Variants in PDE10A observed in about 807,000 individuals in gnomAD.
The protein encoded by PDE10A is cAMP and cAMP-inhibited cGMP 3',5'-cyclic phosphodiesterase 10A.
Under a neutral mutation model 97.7 loss-of-function variants are expected in PDE10A, and 39 were observed. The ratio of observed to expected loss-of-function variants is 0.40; its 90% confidence interval spans 0.31 to 0.52. The LOEUF (loss-of-function observed/expected upper bound fraction) is 0.52. PDE10A is among the 20% of genes least tolerant of loss of function. The probability of loss-of-function intolerance (pLI) is 0.56; values close to 1 mark genes in which losing one functional copy is unlikely to be tolerated. For synonymous variants in PDE10A, 371 were observed against 376.8 expected (o/e 0.98, Z 0.18); for missense variants, 731 against 1,047.8 (o/e 0.70, Z 4.17).
chr6:165,864,745 A>C (rs544915661), intron 1 of PDE10A, among the ~76,000 whole-genome samples: 9 of 152,220 alleles, frequency 5.9e-5, no homozygotes, highest in Non-Finnish European at 1.3e-4. Context: ...TATACTAGGC[A>C]AAAAAATTAA....
At chr6:165,379,026 C>A (rs552760102) in intron 18 of PDE10A, among the ~76,000 whole-genome samples, 168 bp downstream of exon 18, 5 of 152,242 alleles carry the variant, frequency 3.3e-5, no homozygotes, top group Admixed American at 2.0e-4. Context: ...TGTCAAACAA[C>A]AAAGCATCTA....
At chr6:165,351,761 A>G (rs1009509873) in intron 18 of PDE10A, among the ~76,000 whole-genome samples, 2 of 152,218 alleles carry the variant, frequency 1.3e-5, no homozygotes, top group South Asian at 4.1e-4. Flanking sequence ...TTAGCTCAAC[A>G]TGTGTTAGCT....
intron 2 of PDE10A, among the ~76,000 whole-genome samples, chr6:165,489,708 T>C (rs1026376894): frequency 1.3e-5 from 2 of 151,988 alleles, no homozygotes; most frequent in African/African-American, 4.8e-5. Context: ...TGACACAGGA[T>C]ATCAATGGAA....
At chr6:165,537,674 C>T (rs540909801) in intron 2 of PDE10A, among the ~76,000 whole-genome samples, 170 of 151,982 alleles carry the variant, frequency 1.1e-3, no homozygotes, top group Non-Finnish European at 2.0e-3. Flanking sequence ...TAGATGAATT[C>T]GTATCAACTT....
intron 1 of PDE10A, among the ~76,000 whole-genome samples, chr6:165,848,932 A>C (rs1304121795): frequency 6.6e-6 from 1 of 152,198 alleles, no homozygotes; most frequent in East Asian, 1.9e-4. Flanking sequence ...CCAGCCTGTG[A>C]GAGGCACTGC....
At chr6:165,385,016 T>A (rs992989966) in intron 17 of PDE10A, among the ~76,000 whole-genome samples, 1 of 152,172 alleles carries the variant, frequency 6.6e-6, no homozygotes, top group Non-Finnish European at 1.5e-5. Context: ...AAGTCTTTTG[T>A]GGATAAACAG....
intron 1 of PDE10A, among the ~76,000 whole-genome samples, chr6:165,681,532 T>C (rs1286708925): frequency 1.3e-5 from 2 of 152,146 alleles, no homozygotes; most frequent in South Asian, 4.1e-4. Flanking sequence ...TCTGGAGTAG[T>C]GCTGAAAACC....
At chr6:165,619,016 A>T (rs2128405989) in intron 1 of PDE10A, among the ~76,000 whole-genome samples, 1 of 123,458 alleles carries the variant, frequency 8.1e-6, no homozygotes, top group Non-Finnish European at 1.8e-5. Context: ...AGTCTAGTGT[A>T]GTCTAGCATA....
intron 3 of PDE10A, among the ~76,000 whole-genome samples, chr6:165,469,336 T>G (rs1465596632): frequency 6.6e-6 from 1 of 152,170 alleles, no homozygotes; most frequent in Non-Finnish European, 1.5e-5. Context: ...TGTATTCAAT[T>G]AGGTAGAGAA....
intron 18 of PDE10A, among the ~76,000 whole-genome samples, chr6:165,361,893 T>G (rs573437526): frequency 6.1e-4 from 93 of 152,308 alleles, no homozygotes; most frequent in Middle Eastern, 6.8e-3. Context: ...GCCATCTGGT[T>G]TGTGGTATAC....
chr6:165,545,232 C>A (rs1273820920), intron 1 of PDE10A: 3 of 502,132 alleles, frequency 6.0e-6, no homozygotes, highest in Non-Finnish European at 1.2e-5. Flanking sequence ...CTTCAACAAT[C>A]CATAATGACG....
intron 1 of PDE10A, among the ~76,000 whole-genome samples, chr6:165,552,542 A>G (rs1017190451): frequency 3.9e-5 from 6 of 152,206 alleles, no homozygotes; most frequent in African/African-American, 9.6e-5. Context: ...CCAACCCCCA[A>G]TAAGAAAACT....
chr6:165,853,467 G>T (rs1780628220), intron 1 of PDE10A, among the ~76,000 whole-genome samples: 1 of 152,108 alleles, frequency 6.6e-6, no homozygotes, highest in Non-Finnish European at 1.5e-5. Flanking sequence ...AACCATCCTG[G>T]TATGCAGGTT....
At position 165,966,081 on chromosome 6, in the gene PDE10A, G is replaced by C. The variant is rs905120631; in HGVS notation, c.-615+21448C>G. Among the ~76,000 whole-genome samples, 6 of 152,300 alleles carry C rather than the reference G, an allele frequency of 3.9e-5. No individual in the cohort carries two copies. The East Asian group carries it at 1.2e-3, about 29-fold the overall frequency. On this transcript the variant is annotated intron_variant, in intron 1 of 19. Coordinates refer to the PDE10A transcript ENST00000366882. ...TCAGATCAGATAACTACAAAATTGG[G>C]ACTTCATATTCCAAGTAATTGTAAT... is the stretch of plus-strand genomic sequence containing the variant.
At chr6:165,413,999 C>A (rs1248506489) in intron 12 of PDE10A, among the ~76,000 whole-genome samples, 3 of 151,850 alleles carry the variant, frequency 2.0e-5, no homozygotes, top group Non-Finnish European at 4.4e-5. Flanking sequence ...CAAAAAAAAA[C>A]GTGGATTCAG....
At chr6:165,650,942 TG>T (rs2128425342) in intron 1 of PDE10A, among the ~76,000 whole-genome samples, 1 of 152,330 alleles carries the variant, frequency 6.6e-6, no homozygotes, top group East Asian at 1.9e-4. Flanking sequence ...TTCACCATGT[TG>T]GCCAGGATGG....
chr6:165,846,381 G>A (rs895674600), intron 1 of PDE10A, among the ~76,000 whole-genome samples: 5 of 152,332 alleles, frequency 3.3e-5, no homozygotes, highest in Middle Eastern at 3.4e-3. Flanking sequence ...TTGTGTCACC[G>A]AGGAAATTGT....
chr6:165,943,223 GAAAGAAAGAAA>G (rs1220196292), intron 1 of PDE10A, among the ~76,000 whole-genome samples: 835 of 64,380 alleles, frequency 0.013, 9 homozygotes, highest in Admixed American at 0.033. Flanking sequence ...AAGAAAGAAA[GAAAGAAAGAAA>G]GAAGGAAGGA....
At chr6:165,659,683 G>C (rs865886105) in intron 1 of PDE10A, among the ~76,000 whole-genome samples, 13 of 151,758 alleles carry the variant, frequency 8.6e-5, no homozygotes, top group Admixed American at 6.6e-4. Flanking sequence ...GGTGTGGGGC[G>C]AGGGGGCCTT....
Sources: gnomAD v4.1 joint callset for allele counts (sites outside exome capture counted in the v4.1 genomes callset) on GRCh38, gnomAD v4.1.1 for gene constraint, MANE v1.5 for transcripts, NCBI Gene and HGNC (gene_info 2026-07-23, HGNC 2026-07-21) for gene names.